RASGRF2: variants seen among roughly 807,000 people sequenced by gnomAD.
The protein encoded by RASGRF2 is Ras protein specific guanine nucleotide releasing factor 2.
Under a neutral mutation model 151.0 loss-of-function variants are expected in RASGRF2, and 76 were observed. The observed-to-expected ratio is 0.50, with a 90% confidence interval of 0.42 to 0.61. The LOEUF is 0.61. Among genes scored for constraint, RASGRF2 ranks in the 20% least tolerant of loss-of-function variants. The pLI is 0.00. For missense variants in RASGRF2, 1,148 were observed against 1,564.6 expected (o/e 0.73, Z 4.49); for synonymous variants, 504 against 566.5 (o/e 0.89, Z 1.57).
intron 2 of RASGRF2, among the ~76,000 whole-genome samples, chr5:81,044,900 G>A (rs1386454108): frequency 6.6e-6 from 1 of 152,020 alleles, no homozygotes; most frequent in Non-Finnish European, 1.5e-5. Context: ...GACTAGGGTT[G>A]AGAGTAGAAG....
intron 18 of RASGRF2, among the ~76,000 whole-genome samples, chr5:81,189,728 T>C (rs1376224586): frequency 1.2e-4 from 18 of 150,268 alleles, no homozygotes; most frequent in African/African-American, 3.2e-4. Flanking sequence ...TTTTTTTTTT[T>C]CAGAGACAGA....
intron 13 of RASGRF2, among the ~76,000 whole-genome samples, chr5:81,112,174 A>C (rs1435516380): frequency 1.3e-5 from 2 of 152,184 alleles, no homozygotes; most frequent in Admixed American, 1.3e-4. Context: ...AGACATACAC[A>C]ATCAGCCCTC....
rs147601460 is a variant in RASGRF2 at position 81,141,576 on chromosome 5, T to C, written c.2686+14413T>C. Among the ~76,000 whole-genome samples the C allele has an allele frequency of 3.7e-3, 562 of 152,348 alleles. 5 individuals carry two copies. The highest frequency in any genetic ancestry group is 0.013 in the African/African-American group (530 of 41,576). On this transcript the variant is annotated intron_variant, in intron 17 of 26. Coordinates refer to ENST00000265080, the MANE Select transcript of RASGRF2 (RefSeq NM_006909.3). ...CCCTGATATAGCCTCTAATCCATATTAACTTCAAAAACAGCAAGAGCTTGG... is the reference window on the plus strand; with the variant it reads ...CCCTGATATAGCCTCTAATCCATATCAACTTCAAAAACAGCAAGAGCTTGG...
intron 18 of RASGRF2, among the ~76,000 whole-genome samples, chr5:81,200,745 G>A (rs1174010630): frequency 6.6e-6 from 1 of 152,148 alleles, no homozygotes; most frequent in Non-Finnish European, 1.5e-5. Flanking sequence ...TGCCGTGGGT[G>A]CACAAAGAAA....
chr5:80,991,618 C>A (rs1001121968), intron 1 of RASGRF2, among the ~76,000 whole-genome samples: 1 of 152,166 alleles, frequency 6.6e-6, no homozygotes, highest in Admixed American at 6.6e-5. Context: ...AGAGCCATCT[C>A]TAGTGTGCCT....
chr5:81,047,377 T>C (rs1271982840), intron 2 of RASGRF2, among the ~76,000 whole-genome samples: 1 of 152,178 alleles, frequency 6.6e-6, no homozygotes, highest in Middle Eastern at 3.2e-3. Flanking sequence ...ATATTGAGAA[T>C]GTTGAGCCTA....
chr5:80,981,452 G>A (rs1456931376), intron 1 of RASGRF2, among the ~76,000 whole-genome samples: 1 of 152,106 alleles, frequency 6.6e-6, no homozygotes, highest in Non-Finnish European at 1.5e-5. Context: ...GCTTTCTTAC[G>A]ACAAGGATTG....
intron 1 of RASGRF2, among the ~76,000 whole-genome samples, chr5:81,018,802 C>CT (rs35247915): frequency 1.4e-3 from 175 of 127,014 alleles, no homozygotes; most frequent in South Asian, 3.9e-3. Context: ...TCCATCTGCA[C>CT]TTTTTTTTTT....
intron 1 of RASGRF2, among the ~76,000 whole-genome samples, chr5:80,977,629 C>G (rs1447302507): frequency 2.0e-5 from 3 of 151,996 alleles, no homozygotes; most frequent in African/African-American, 7.2e-5. Context: ...GCTAATTTTT[C>G]TATTTTTAGT....
intron 18 of RASGRF2, among the ~76,000 whole-genome samples, chr5:81,195,120 AGGCTTCGTGC>A (rs1373358418): frequency 3.9e-4 from 59 of 152,310 alleles, no homozygotes; most frequent in African/African-American, 1.4e-3. Flanking sequence ...CTGGCGCATG[AGGCTTCGTGC>A]GGCTTCGTGT....
intron 26 of RASGRF2, among the ~76,000 whole-genome samples, chr5:81,222,614 A>G (rs559212759): frequency 5.9e-5 from 9 of 152,328 alleles, no homozygotes; most frequent in Non-Finnish European, 1.0e-4. Flanking sequence ...GTGCACATGC[A>G]TGATATCCAT....
intron 12 of RASGRF2, among the ~76,000 whole-genome samples, chr5:81,098,344 T>G (rs996751056): frequency 6.6e-6 from 1 of 152,026 alleles, no homozygotes; most frequent in Admixed American, 6.6e-5. Context: ...AAATAAGCAG[T>G]GGGATATAGA....
At chr5:81,055,337 G>T (rs945008789) in intron 2 of RASGRF2, among the ~76,000 whole-genome samples, 2 of 152,116 alleles carry the variant, frequency 1.3e-5, no homozygotes, top group African/African-American at 4.8e-5. Context: ...TTAGCATGAA[G>T]GGCTGTTGAA....
At chr5:81,031,327 C>G (rs550917787) in intron 1 of RASGRF2, among the ~76,000 whole-genome samples, 3 of 152,204 alleles carry the variant, frequency 2.0e-5, no homozygotes, top group Non-Finnish European at 2.9e-5. Flanking sequence ...AACTCTCCAC[C>G]CCAAATCAAC....
At chr5:81,175,843 C>T (rs950305735) in intron 17 of RASGRF2, among the ~76,000 whole-genome samples, 1 of 151,598 alleles carries the variant, frequency 6.6e-6, no homozygotes, top group Non-Finnish European at 1.5e-5. Context: ...GGACAGATTA[C>T]GTCCCATTTG....
intron 18 of RASGRF2, among the ~76,000 whole-genome samples, chr5:81,182,564 G>A (rs1324228795): frequency 6.6e-6 from 1 of 152,040 alleles, no homozygotes; most frequent in African/African-American, 2.4e-5. Flanking sequence ...ACTTATGGCT[G>A]CCCAGTAATC....
At chr5:81,026,060 T>TC (rs1750016230) in intron 1 of RASGRF2, among the ~76,000 whole-genome samples, 1 of 116,234 alleles carries the variant, frequency 8.6e-6, no homozygotes, top group Non-Finnish European at 1.7e-5. Flanking sequence ...CCTTCCCTTC[T>TC]TCTCCTTCCT....
At chr5:81,142,208 A>G (rs1186653635) in intron 17 of RASGRF2, among the ~76,000 whole-genome samples, 4 of 151,462 alleles carry the variant, frequency 2.6e-5, no homozygotes, top group African/African-American at 9.7e-5. Flanking sequence ...GGGGTAGAAT[A>G]AGAACAGCCG....
chr5:81,201,404 T>C lies in RASGRF2; in HGVS notation c.2868T>C (p.Leu956=), dbSNP rs1580401989. The C allele has an allele frequency of 5.0e-6, 8 of 1,614,056 alleles. No homozygotes were observed. The East Asian group carries it at 6.7e-5, about 13-fold the overall frequency. ...LLEEVLRDPD[L]LPQERKAAAN... ...AAGAAGTTTTGCGAGACCCAGACCT[T>C]CTTCCCCAAGAAAGGAAAGCCGCCG... Residue 956 remains leucine, a synonymous_variant, in exon 19 of 27, where the codon CTT becomes CTC. Transcript: ENST00000265080.
Sources: allele counts gnomAD v4.1 joint callset (sites outside exome capture counted in the v4.1 genomes callset), GRCh38; gene constraint gnomAD v4.1.1; transcripts MANE v1.5; gene names NCBI Gene and HGNC (gene_info 2026-07-23, HGNC 2026-07-21).